The following ST18 variants were observed in gnomAD, a reference collection of about 807,000 sequenced individuals.
ST18 encodes the protein ST18 C2H2C-type zinc finger transcription factor.
In ST18, 50 loss-of-function variants were observed where a neutral mutation model predicts 110.0. The observed-to-expected ratio is 0.45, with a 90% CI of 0.36 to 0.58. ST18 has a LOEUF of 0.58. Among genes scored for constraint, ST18 ranks in the 20% least tolerant of loss-of-function variants. The pLI, the probability that ST18 is intolerant of heterozygous loss-of-function variation, is 0.00. For synonymous variants in ST18, 461 were observed against 452.4 expected (o/e 1.02, Z -0.24); for missense variants, 1,306 against 1,280.1 (o/e 1.02, Z -0.31).
rs370134515 is a variant in ST18 at position 52,196,855 on chromosome 8, G to C, written c.86+15224C>G. ...ATAGCACAGGTCCCAGGGCCTCCTGGAGGTAAGGGCTATTTGCTACGTCTT... is the reference window on the plus strand; with the variant it reads ...ATAGCACAGGTCCCAGGGCCTCCTGCAGGTAAGGGCTATTTGCTACGTCTT... On this transcript the variant is annotated intron_variant, in intron 8 of 25. Transcript: ENST00000689386. 6.6e-5 allele frequency among the ~76,000 whole-genome samples: 10 copies of C among 152,250 alleles called. No individual in the cohort carries two copies. In the East Asian group the frequency reaches 1.4e-3, roughly 21 times the overall value.
chr8:52,349,825 A>G (rs978851555), intron 2 of ST18, among the ~76,000 whole-genome samples: 1 of 152,108 alleles, frequency 6.6e-6, no homozygotes. Flanking sequence ...TGTGGGAATC[A>G]GTGAGGAATC....
intron 2 of ST18, among the ~76,000 whole-genome samples, chr8:52,232,121 C>T (rs62499766): frequency 0.12 from 17,639 of 152,228 alleles, 1,381 homozygotes; most frequent in Middle Eastern, 0.21. Context: ...AGAGCAGAAG[C>T]ACTTCCACTT....
intron 8 of ST18, among the ~76,000 whole-genome samples, chr8:52,204,388 G>A (rs921253116): frequency 2.6e-5 from 4 of 152,124 alleles, no homozygotes; most frequent in African/African-American, 9.7e-5. Flanking sequence ...CCAAACGCCC[G>A]TTAATTTCTT....
intron 2 of ST18, among the ~76,000 whole-genome samples, chr8:52,250,445 CAAAAAAAAAAAA>C (rs1159770176): frequency 4.4e-3 from 19 of 4,280 alleles, no homozygotes; most frequent in South Asian, 0.011. Flanking sequence ...GCCTCAAAGG[CAAAAAAAAAAAA>C]AAAAAAAAAA....
At chr8:52,311,680 G>A (rs2095913427) in intron 2 of ST18, among the ~76,000 whole-genome samples, 1 of 152,214 alleles carries the variant, frequency 6.6e-6, no homozygotes, top group Non-Finnish European at 1.5e-5. Context: ...GAGAGAGAGA[G>A]TGTGAGCATC....
At chr8:52,390,759 G>A (rs898619818) in intron 2 of ST18, among the ~76,000 whole-genome samples, 4 of 152,158 alleles carry the variant, frequency 2.6e-5, no homozygotes, top group African/African-American at 7.2e-5. Flanking sequence ...CCACAGCGAC[G>A]GTGGCATGGA....
intron 2 of ST18, chr8:52,248,564 G>A (rs751626686): frequency 2.0e-5 from 3 of 152,126 alleles, no homozygotes; most frequent in Non-Finnish European, 2.9e-5. Context: ...ATTTCAGCAA[G>A]GCAAATAAGA....
chr8:52,142,305 T>G (rs2055444223), intron 17 of ST18, among the ~76,000 whole-genome samples: 1 of 152,146 alleles, frequency 6.6e-6, no homozygotes, highest in Non-Finnish European at 1.5e-5. Context: ...TTGGAAAAGT[T>G]TAAACATATT....
intron 2 of ST18, among the ~76,000 whole-genome samples, chr8:52,378,978 T>C (rs1400994636): frequency 2.0e-5 from 3 of 152,234 alleles, no homozygotes; most frequent in Non-Finnish European, 2.9e-5. Flanking sequence ...TGCTTTCAAT[T>C]GTCATAATTC....
At chr8:52,219,795 C>T (rs2085928639) in intron 5 of ST18, among the ~76,000 whole-genome samples, 1 of 152,150 alleles carries the variant, frequency 6.6e-6, no homozygotes, top group South Asian at 2.1e-4. Flanking sequence ...TAAAGGAAAC[C>T]TGAGACCTGA....
chr8:52,164,238 A>T (rs1222156201), intron 12 of ST18, 148 bp from the exon 13 acceptor site: 3 of 685,910 alleles, frequency 4.4e-6, no homozygotes, highest in Non-Finnish European at 7.4e-6. Context: ...GAAAGATCCC[A>T]AAGGGTTTTG....
At chr8:52,370,034 C>T (rs1361098506) in intron 2 of ST18, among the ~76,000 whole-genome samples, 3 of 152,192 alleles carry the variant, frequency 2.0e-5, no homozygotes, top group African/African-American at 7.2e-5. Flanking sequence ...TCACCCGCTC[C>T]TCACAGACAT....
chr8:52,217,321 G>C (rs1205867450), intron 6 of ST18, among the ~76,000 whole-genome samples: 1 of 151,974 alleles, frequency 6.6e-6, no homozygotes, highest in African/African-American at 2.4e-5. Context: ...CTTCTCGATA[G>C]GAGTAAGAAC....
chr8:52,267,101 T>C (rs1306996643), intron 2 of ST18, among the ~76,000 whole-genome samples: 1 of 152,056 alleles, frequency 6.6e-6, no homozygotes, highest in African/African-American at 2.4e-5. Context: ...GGGGAGGGGA[T>C]GCTTGGAATG....
At position 52,320,143 on chromosome 8, in the gene ST18, T is replaced by TA. The variant is rs547313327; in HGVS notation, c.-465+89184dup. Among the ~76,000 whole-genome samples the TA allele has an allele frequency of 3.6e-3, 545 of 152,340 alleles. 3 individuals are homozygous for TA. Among genetic ancestry groups the TA allele is most frequent in the African/African-American group, 0.012 (518 of 41,574 alleles). ...AGTATGTAAACATTTTCCTTAAAGA[T>TA]ACAGTGTTAAGTAAAAGTAGAAAGT... On this transcript the variant is annotated intron_variant, in intron 2 of 25. Transcript: ENST00000689386.
chr8:52,350,487 C>A (rs1485721011), intron 2 of ST18, among the ~76,000 whole-genome samples: 2 of 152,144 alleles, frequency 1.3e-5, no homozygotes, highest in Non-Finnish European at 2.9e-5. Flanking sequence ...AGTACCATCC[C>A]TATTTTAATG....
intron 2 of ST18, among the ~76,000 whole-genome samples, chr8:52,394,645 G>T (rs367831621): frequency 6.6e-6 from 1 of 152,192 alleles, no homozygotes; most frequent in African/African-American, 2.4e-5. Flanking sequence ...TGTGGGAAGG[G>T]AAGTTATAAA....
intron 6 of ST18, among the ~76,000 whole-genome samples, chr8:52,214,624 T>C (rs985997963): frequency 6.6e-6 from 1 of 152,172 alleles, no homozygotes; most frequent in Non-Finnish European, 1.5e-5. Flanking sequence ...ACCAATTTAC[T>C]AAAACCTAAG....
At chr8:52,343,946 A>T (rs773147513) in intron 2 of ST18, among the ~76,000 whole-genome samples, 43 of 152,206 alleles carry the variant, frequency 2.8e-4, no homozygotes, top group Non-Finnish European at 4.7e-4. Flanking sequence ...CTATGCTAAT[A>T]AAGTATTTTC....
Sources: gnomAD v4.1 joint callset for allele counts (sites outside exome capture counted in the v4.1 genomes callset) on GRCh38, gnomAD v4.1.1 for gene constraint, MANE v1.5 for transcripts, NCBI Gene and HGNC (gene_info 2026-07-23, HGNC 2026-07-21) for gene names.